The following ZDHHC17 variants were observed in gnomAD, a reference collection of about 807,000 sequenced individuals.
ZDHHC17 encodes the protein palmitoyltransferase ZDHHC17.
ZDHHC17 carries 40 observed loss-of-function variants against 90.3 expected under a neutral mutation model. That is an observed-to-expected ratio of 0.44 (90% CI 0.34 to 0.58). The LOEUF (loss-of-function observed/expected upper bound fraction) is 0.58, where lower values mean the gene tolerates loss of function less well. ZDHHC17 is among the 20% of genes least tolerant of loss of function. The pLI is 0.01. For synonymous variants in ZDHHC17, 235 were observed against 252.4 expected (o/e 0.93, Z 0.65); for missense variants, 614 against 780.8 (o/e 0.79, Z 2.55).
intron 14 of ZDHHC17, 140 bp downstream of exon 14, chr12:76,846,819 G>A: frequency 1.7e-5 from 12 of 686,064 alleles, no homozygotes; most frequent in Admixed American, 2.9e-5. Flanking sequence ...GCACAAAAGG[G>A]AAAAAAGATA....
chr12:76,812,732 T>G (rs1401745108), intron 5 of ZDHHC17, among the ~76,000 whole-genome samples: 1 of 152,164 alleles, frequency 6.6e-6, no homozygotes, highest in Non-Finnish European at 1.5e-5. Context: ...ATTATATCAA[T>G]TTTACATTGT....
At chr12:76,839,563 A>G (rs1351285644) in intron 10 of ZDHHC17, among the ~76,000 whole-genome samples, 1 of 152,236 alleles carries the variant, frequency 6.6e-6, no homozygotes, top group African/African-American at 2.4e-5. Flanking sequence ...TGAGAGCTGC[A>G]TTTCATAGCA....
intron 7 of ZDHHC17, among the ~76,000 whole-genome samples, chr12:76,817,648 G>A (rs1225644167): frequency 1.3e-5 from 2 of 152,158 alleles, no homozygotes; most frequent in Admixed American, 6.5e-5. Context: ...CAGTCATTGG[G>A]ATTTGAGGTA....
intron 10 of ZDHHC17, among the ~76,000 whole-genome samples, chr12:76,833,649 G>A (rs1271623139): frequency 2.6e-5 from 4 of 152,140 alleles, no homozygotes; most frequent in East Asian, 1.9e-4. Flanking sequence ...AAAATTAGCC[G>A]GGCATGGTGG....
intron 3 of ZDHHC17, among the ~76,000 whole-genome samples, chr12:76,806,037 C>G (rs1472550960): frequency 6.6e-6 from 1 of 152,122 alleles, no homozygotes; most frequent in Non-Finnish European, 1.5e-5. Flanking sequence ...GATAGGAAAT[C>G]TCAGCAAATC....
intron 10 of ZDHHC17, among the ~76,000 whole-genome samples, chr12:76,838,627 A>G (rs572436919): frequency 1.6e-4 from 25 of 152,270 alleles, no homozygotes; most frequent in African/African-American, 5.8e-4. Flanking sequence ...GTTTTATTCT[A>G]CGCAGCCTTA....
chr12:76,832,140 A>C (rs1221801442), intron 10 of ZDHHC17, among the ~76,000 whole-genome samples: 1 of 152,254 alleles, frequency 6.6e-6, no homozygotes, highest in East Asian at 1.9e-4. Context: ...GAGAAGCTTA[A>C]GAAACCTTTA....
rs529012567 is a variant in ZDHHC17, at chr12:76,801,954, TAAATC to T, written c.198-3360_198-3356del. Among the ~76,000 whole-genome samples the T allele has an allele frequency of 5.8e-3, 888 of 152,348 alleles. 9 individuals are homozygous for T. Among genetic ancestry groups the T allele is most frequent in the African/African-American group, 0.021 (855 of 41,578 alleles). ...TTTTTAAATTAATGTATTAGTCTCT[TAAATC>T]AAGTAGAAAACAAAAAGCGGAGTTA... On this transcript the variant is annotated intron_variant, in intron 2 of 16. Coordinates refer to ENST00000426126, the MANE Select transcript of ZDHHC17 (RefSeq NM_015336.4).
chr12:76,827,563 C>A (rs900385358), intron 9 of ZDHHC17, among the ~76,000 whole-genome samples: 6 of 151,928 alleles, frequency 3.9e-5, no homozygotes, highest in African/African-American at 1.5e-4. Context: ...TCTTCTTATT[C>A]TTAAGTCTCA....
At position 76,827,034 on chromosome 12, in the gene ZDHHC17, G is replaced by A; in HGVS notation, c.1024G>A (p.Val342Ile). ...AATGTATGGTGGTGTTTGGGCTACA[G>A]TACAGTTTCTTTCAAAGTAAGTGTG... ...GLMYGGVWAT[V>I]QFLSKSFFDH... The change falls in exon 9 of 17, where the codon GTA (valine) becomes ATA (isoleucine). Residue 342 changes from valine to isoleucine, a missense_variant. Val to Ile is a conservative substitution (Grantham distance 29). Coordinates refer to ENST00000426126, the MANE Select transcript of ZDHHC17 (RefSeq NM_015336.4). 2 of 1,558,940 alleles carry A rather than the reference G, an allele frequency of 1.3e-6. No individual in the cohort carries two copies. Among genetic ancestry groups the A allele is most frequent in the Non-Finnish European group, 1.7e-6 (2 of 1,162,028 alleles).
At chr12:76,835,264 TGGTCTTTAA>T (rs879712927) in intron 10 of ZDHHC17, among the ~76,000 whole-genome samples, 67,351 of 151,866 alleles carry the variant, frequency 0.44, 15,306 homozygotes, top group East Asian at 0.65. Context: ...TTGTCCAAGC[TGGTCTTTAA>T]CTCCTGAACT....
intron 10 of ZDHHC17, among the ~76,000 whole-genome samples, chr12:76,834,305 CTT>C (rs530072800): frequency 2.4e-3 from 364 of 152,226 alleles, no homozygotes; most frequent in African/African-American, 8.4e-3. Context: ...GTTGACAACA[CTT>C]TTGAAATATT....
intron 12 of ZDHHC17, chr12:76,845,053 T>C (rs1190748032): frequency 6.6e-6 from 1 of 152,076 alleles, no homozygotes; most frequent in East Asian, 1.9e-4. Context: ...GGGTTTTTTT[T>C]TTTGCAAGAA....
chr12:76,848,434 T>G, intron 15 of ZDHHC17, 44 bp downstream of exon 15: 6 of 1,586,896 alleles, frequency 3.8e-6, no homozygotes, highest in Non-Finnish European at 5.2e-6. Context: ...GTGAAAACTC[T>G]TCCATCCTTG....
intron 1 of ZDHHC17, among the ~76,000 whole-genome samples, chr12:76,790,489 G>A (rs371259096): frequency 6.6e-6 from 1 of 152,130 alleles, no homozygotes; most frequent in African/African-American, 2.4e-5. Flanking sequence ...GTGACAGAGC[G>A]AGACTCTGTC....
intron 1 of ZDHHC17, among the ~76,000 whole-genome samples, chr12:76,778,839 A>C (rs1247827998): frequency 6.6e-6 from 1 of 152,184 alleles, no homozygotes; most frequent in African/African-American, 2.4e-5. Context: ...GACTTAAACA[A>C]TGGAAATTTT....
chr12:76,783,838 A>G (rs1952655653), intron 1 of ZDHHC17, among the ~76,000 whole-genome samples: 2 of 152,216 alleles, frequency 1.3e-5, no homozygotes, highest in African/African-American at 4.8e-5. Flanking sequence ...AGGTGGAGGG[A>G]GATTTGAACA....
intron 1 of ZDHHC17, among the ~76,000 whole-genome samples, chr12:76,796,242 T>A (rs1952818072): frequency 1.3e-5 from 2 of 152,164 alleles, no homozygotes; most frequent in Non-Finnish European, 2.9e-5. Flanking sequence ...TCTTTCCAAA[T>A]CTTTTATGAT....
At chr12:76,790,230 G>A (rs954352286) in intron 1 of ZDHHC17, among the ~76,000 whole-genome samples, 8 of 152,068 alleles carry the variant, frequency 5.3e-5, no homozygotes, top group South Asian at 2.1e-4. Context: ...GGCTGGGCAC[G>A]GTGGAGCACA....
Sources: gnomAD v4.1 joint callset for allele counts (sites outside exome capture counted in the v4.1 genomes callset) on GRCh38, gnomAD v4.1.1 for gene constraint, MANE v1.5 for transcripts, NCBI Gene and HGNC (gene_info 2026-07-23, HGNC 2026-07-21) for gene names.